The following TNFRSF1B variants were observed in gnomAD, a reference collection of about 807,000 sequenced individuals.
TNFRSF1B encodes the protein tumor necrosis factor receptor superfamily member 1B.
A neutral mutation model predicts 44.6 loss-of-function variants in TNFRSF1B; 19 were observed. The observed-to-expected ratio is 0.43, with a 90% confidence interval of 0.30 to 0.62. The LOEUF is 0.62. TNFRSF1B is among the 20% of genes least tolerant of loss of function. The probability of loss-of-function intolerance (pLI) is 0.16; values close to 1 mark genes in which losing one functional copy is unlikely to be tolerated. For synonymous variants in TNFRSF1B, 252 were observed against 261.1 expected (o/e 0.97, Z 0.34); for missense variants, 541 against 619.9 (o/e 0.87, Z 1.35).
Position 12,193,860 on chromosome 1 carries a change from AC to A in TNFRSF1B, c.788-92del, listed in dbSNP as rs781422111. 134 of 899,032 alleles carry A rather than the reference AC, an allele frequency of 1.5e-4. 1 individual carries two copies. Among genetic ancestry groups the A allele is most frequent in the Non-Finnish European group, 2.4e-4 (132 of 544,246 alleles). 55.7% of individuals were successfully genotyped at this position (899,032 alleles called of 1,614,324 possible). ...CTAGACTCGCCCCTCATTTGCAATG[AC>A]CCGAAGCACCTTGGGTCCCTGGCTT... is the stretch of plus-strand genomic sequence containing the variant. On this transcript the variant is annotated intron_variant, in intron 6 of 9. Coordinates refer to ENST00000376259, the MANE Select transcript of TNFRSF1B (RefSeq NM_001066.3).
At position 12,177,714 on chromosome 1, in the gene TNFRSF1B, A is replaced by G. The variant is rs1185555985; in HGVS notation, c.78+10545A>G. ...GAGACTGAGGCAGGAGAATCGCTTG[A>G]ACCTGGGAGGCGGAGTTTGCAGTGA... is the stretch of plus-strand genomic sequence containing the variant. On this transcript the variant is annotated intron_variant, in intron 1 of 9. Transcript: ENST00000376259. This position sits in a 1 kb window ranked among gnomAD's most constrained non-coding sequence, Gnocchi z 4.3. Among the ~76,000 whole-genome samples, 1 of 151,814 alleles carries G rather than the reference A, an allele frequency of 6.6e-6. No individual in the cohort carries two copies. Among genetic ancestry groups the G allele is most frequent in the African/African-American group, 2.4e-5 (1 of 41,298 alleles).
At position 12,167,265 on chromosome 1, in the gene TNFRSF1B, C is replaced by G; in HGVS notation, c.78+96C>G. The G allele has an allele frequency of 5.1e-6, 5 of 976,236 alleles. 1 individual carries two copies. The South Asian group carries it at 2.0e-4, about 39-fold the overall frequency. 60.5% of individuals were successfully genotyped at this position (976,236 alleles called of 1,614,324 possible). On this transcript the variant is annotated intron_variant, in intron 1 of 9. Transcript: ENST00000376259. Reference sequence around the variant, plus strand: ...GTGCCCGGGCCGCGCTCTCCCGGGGCGCTGTCACGGGCTGGGAGGCTGGGA... The same window carrying G: ...GTGCCCGGGCCGCGCTCTCCCGGGGGGCTGTCACGGGCTGGGAGGCTGGGA...
In TNFRSF1B at chr1:12,192,992, G is replaced by T. The variant is rs771900114; in HGVS notation, c.681G>T (p.Thr227=). Residue 227 remains threonine (T), a synonymous_variant, in exon 6 of 10, where the codon ACG becomes ACT. Coordinates refer to ENST00000376259, the MANE Select transcript of TNFRSF1B (RefSeq NM_001066.3). ...CAGTGTCCACACGATCCCAACACAC[G>T]CAGCCAACTCCAGAACCCAGCACTG... ...PQPVSTRSQH[T]QPTPEPSTAP... is the part of the protein sequence containing the mutation. The T allele has an allele frequency of 1.2e-6, 2 of 1,614,042 alleles. No homozygotes were observed. Among genetic ancestry groups the T allele is most frequent in the Non-Finnish European group, 1.7e-6 (2 of 1,180,030 alleles).
In TNFRSF1B at chr1:12,168,140, C is replaced by A. The variant is rs1226876322; in HGVS notation, c.78+971C>A. Among the ~76,000 whole-genome samples the A allele has an allele frequency of 6.6e-6, 1 of 152,256 alleles. No individual in the cohort carries two copies. Among genetic ancestry groups the A allele is most frequent in the African/African-American group, 2.4e-5 (1 of 41,464 alleles). On this transcript the variant is annotated intron_variant, in intron 1 of 9. Coordinates refer to ENST00000376259, the MANE Select transcript of TNFRSF1B (RefSeq NM_001066.3). The surrounding 1 kb of genome is among the most constrained non-coding windows in gnomAD (Gnocchi z 4.7). Reference sequence around the variant, plus strand: ...GGGGGAACTCTTCCTCCAAAGGGGGCCTCTCCTGCCTTCGGCCCCTGTGCC... The same window carrying A: ...GGGGGAACTCTTCCTCCAAAGGGGGACTCTCCTGCCTTCGGCCCCTGTGCC...
At chr1:12,194,356 C>T (rs146140724) in intron 7 of TNFRSF1B, among the ~76,000 whole-genome samples, 21 of 152,066 alleles carry the variant, frequency 1.4e-4, no homozygotes, top group South Asian at 6.2e-4. Context: ...GGGAAGGACA[C>T]GCATCCTCAG....
At position 12,194,641 on chromosome 1, in the gene TNFRSF1B, C is replaced by T. The variant is rs758758687; in HGVS notation, c.900+23C>T. 5 of 1,613,820 alleles carry T rather than the reference C, an allele frequency of 3.1e-6. No homozygotes were observed. The African/African-American group carries it at 5.3e-5, about 17-fold the overall frequency. On this transcript the variant is annotated intron_variant, in intron 8 of 9. Coordinates refer to ENST00000376259, the MANE Select transcript of TNFRSF1B (RefSeq NM_001066.3). The stretch of plus-strand genomic sequence containing the variant: ...GTGGTGAGTGTCTCCACTGCCCTCT[C>T]CCCCTCTTCCCCTGGTCTCCTTCCC...
chr1:12,167,376 G>A, intron 1 of TNFRSF1B: 1 of 404,874 alleles, frequency 2.5e-6, no homozygotes, highest in Non-Finnish European at 4.4e-6. Flanking sequence ...ACGTGCGCTC[G>A]GGGCACAACT....
intron 1 of TNFRSF1B, among the ~76,000 whole-genome samples, chr1:12,174,431 A>G (rs1219724170): frequency 6.6e-6 from 1 of 152,044 alleles, no homozygotes; most frequent in Non-Finnish European, 1.5e-5. Flanking sequence ...TATTTTTAGT[A>G]GAGATGGGGT....
chr1:12,175,187 G>C (rs1028662640), intron 1 of TNFRSF1B, among the ~76,000 whole-genome samples: 2 of 152,250 alleles, frequency 1.3e-5, no homozygotes, highest in African/African-American at 4.8e-5. Context: ...CAGAGGCCGT[G>C]GGAGTGGGCG....
In TNFRSF1B at chr1:12,194,580, A is replaced by G. The variant is rs1639224502; in HGVS notation, c.866-4A>G. ...CTCTTACTTGTCCCCTCTCCTCTTT[A>G]TAGAGAAGCCCTTGTGCCTGCAGAG... On this transcript the variant is annotated splice_region_variant and splice_polypyrimidine_tract_variant and intron_variant, in intron 7 of 9. Coordinates refer to ENST00000376259, the MANE Select transcript of TNFRSF1B (RefSeq NM_001066.3). 4 of 1,614,122 alleles carry G rather than the reference A, an allele frequency of 2.5e-6. No homozygotes were observed. The highest frequency in any genetic ancestry group is 3.4e-6 in the Non-Finnish European group (4 of 1,179,998).
At chr1:12,198,134 A>G (rs1329247257) in intron 8 of TNFRSF1B, among the ~76,000 whole-genome samples, 1 of 152,042 alleles carries the variant, frequency 6.6e-6, no homozygotes, top group Non-Finnish European at 1.5e-5. Context: ...AAAAAAAAAA[A>G]AAAAAAACCA....
In TNFRSF1B at chr1:12,194,646, T is replaced by A. The variant is rs781291221; in HGVS notation, c.900+28T>A. On this transcript the variant is annotated intron_variant, in intron 8 of 9. Coordinates refer to ENST00000376259, the MANE Select transcript of TNFRSF1B (RefSeq NM_001066.3). ...GAGTGTCTCCACTGCCCTCTCCCCC[T>A]CTTCCCCTGGTCTCCTTCCCGGCGT... 8.3e-5 allele frequency: 134 copies of A among 1,613,832 alleles called. No individual in the cohort carries two copies. The Middle Eastern group carries it at 1.2e-3, about 14-fold the overall frequency.
In TNFRSF1B at chr1:12,201,950, A is replaced by AC; in HGVS notation, c.901-12dup. 1 of 1,583,080 alleles carries AC rather than the reference A, an allele frequency of 6.3e-7. No homozygotes were observed. The highest frequency in any genetic ancestry group is 8.6e-7 in the Non-Finnish European group (1 of 1,163,196). On this transcript the variant is annotated splice_polypyrimidine_tract_variant and intron_variant, in intron 8 of 9. Coordinates refer to ENST00000376259, the MANE Select transcript of TNFRSF1B (RefSeq NM_001066.3). ...GGTGGGCTGACTGCTCTCCCCTACC[A>AC]CCCCCTGCCCATCCAGCCTCACTTG... is the stretch of plus-strand genomic sequence containing the variant.
rs922014493 is a variant in TNFRSF1B at position 12,202,183 on chromosome 1, G to C, written c.1105+12G>C. The C allele has an allele frequency of 1.9e-6, 3 of 1,541,136 alleles. No homozygotes were observed. In the South Asian group the frequency reaches 3.6e-5, roughly 18 times the overall value. ...CACCGGGAGCTCAGGTAAGAGGTGG[G>C]AGCACACCTGGCTTCTTCCCAAGCC... On this transcript the variant is annotated intron_variant, in intron 9 of 9. Transcript: ENST00000376259.
chr1:12,188,043 A>T (rs374201400), intron 1 of TNFRSF1B, among the ~76,000 whole-genome samples: 2 of 152,204 alleles, frequency 1.3e-5, no homozygotes, highest in Non-Finnish European at 2.9e-5. Context: ...CCTGGTACCT[A>T]GGCAGTGCTT....
At chr1:12,198,087 A>T (rs1639306612) in intron 8 of TNFRSF1B, among the ~76,000 whole-genome samples, 1 of 142,096 alleles carries the variant, frequency 7.0e-6, no homozygotes, top group South Asian at 2.2e-4. Flanking sequence ...GCACCACTGC[A>T]CTCCAGCCTG....
intron 1 of TNFRSF1B, among the ~76,000 whole-genome samples, chr1:12,182,847 C>T (rs1213877018): frequency 2.6e-5 from 4 of 152,208 alleles, no homozygotes; most frequent in Non-Finnish European, 5.9e-5. Context: ...CAGCTCCCAT[C>T]TGGGATGGAG....
chr1:12,186,375 G>A lies in TNFRSF1B; in HGVS notation c.79-2421G>A, dbSNP rs572824533. Reference sequence around the variant, plus strand: ...GAACCCACCTGCTACGTTGGCTGGTGGAAATTTGGCCAGGTCTGCACTGGC... The same window carrying A: ...GAACCCACCTGCTACGTTGGCTGGTAGAAATTTGGCCAGGTCTGCACTGGC... On this transcript the variant is annotated intron_variant, in intron 1 of 9. Coordinates refer to ENST00000376259, the MANE Select transcript of TNFRSF1B (RefSeq NM_001066.3). The surrounding 1 kb of genome is among the most constrained non-coding windows in gnomAD (Gnocchi z 4.8). Among the ~76,000 whole-genome samples, 5 of 152,262 alleles carry A rather than the reference G, an allele frequency of 3.3e-5. No individual in the cohort carries two copies. The highest frequency in any genetic ancestry group is 7.3e-5 in the Non-Finnish European group (5 of 68,036).
rs1184405712 is a variant in TNFRSF1B, at chr1:12,206,930, A to G, written c.1296A>G (p.Ser432=). 7 of 1,614,026 alleles carry G rather than the reference A, an allele frequency of 4.3e-6. No individual in the cohort carries two copies. Among genetic ancestry groups the G allele is most frequent in the Non-Finnish European group, 5.9e-6 (7 of 1,179,962 alleles). Residue 432 remains serine, a synonymous_variant, in exon 10 of 10, where the codon TCA becomes TCG. Transcript: ENST00000376259. ...CCAAGGAGGAATGTGCCTTTCGGTC[A>G]CAGCTGGAGACGCCAGAGACCCTGC... ...PFSKEECAFR[S]QLETPETLLG...
Sources: allele counts gnomAD v4.1 joint callset (sites outside exome capture counted in the v4.1 genomes callset), GRCh38; gene constraint gnomAD v4.1.1; non-coding constraint Gnocchi (gnomAD v3.1); transcripts MANE v1.5; gene names NCBI Gene and HGNC (gene_info 2026-07-23, HGNC 2026-07-21).